The following SLC24A3 variants were observed in gnomAD, a reference collection of about 807,000 sequenced individuals.
SLC24A3 encodes the protein sodium/potassium/calcium exchanger 3.
SLC24A3 carries 28 observed loss-of-function variants against 75.8 expected under a neutral mutation model. The observed-to-expected ratio is 0.37, with a 90% CI of 0.27 to 0.51. The LOEUF (loss-of-function observed/expected upper bound fraction) is 0.51, where lower values mean the gene tolerates loss of function less well. Ranked by LOEUF, SLC24A3 falls within the 20% of genes least tolerant of loss-of-function variation. SLC24A3 has a pLI of 0.94. For synonymous variants in SLC24A3, 372 were observed against 334.1 expected (o/e 1.11, Z -1.24); for missense variants, 663 against 847.8 (o/e 0.78, Z 2.71).
chr20:19,584,947 T>C (rs1202937128), intron 4 of SLC24A3, 24 bp from the exon 5 acceptor site: 8 of 1,604,302 alleles, frequency 5.0e-6, no homozygotes, highest in Non-Finnish European at 6.0e-6. Flanking sequence ...AACTCACCTG[T>C]GCTTTGTCTT....
In SLC24A3 at chr20:19,233,173, G is replaced by A. The variant is rs576345306; in HGVS notation, c.142+20189G>A. ...AAATTTTAACTGTCAACTGAGTTTC[G>A]CAAGAGCGATGAGCAGTCCGGGGTG... is the stretch of plus-strand genomic sequence containing the variant. On this transcript the variant is annotated intron_variant, in intron 1 of 16. Coordinates refer to ENST00000328041, the MANE Select transcript of SLC24A3 (RefSeq NM_020689.4). Among the ~76,000 whole-genome samples, 8 of 152,304 alleles carry A rather than the reference G, an allele frequency of 5.3e-5. No homozygotes were observed. The Middle Eastern group carries it at 0.01, about 194-fold the overall frequency.
chr20:19,657,258 C>G (rs1276229659), intron 7 of SLC24A3, among the ~76,000 whole-genome samples: 1 of 152,174 alleles, frequency 6.6e-6, no homozygotes, highest in Non-Finnish European at 1.5e-5. Context: ...AAGGTTAGGT[C>G]TTGGTTCTTT....
chr20:19,430,353 A>G (rs1987079134), intron 2 of SLC24A3, among the ~76,000 whole-genome samples: 1 of 152,144 alleles, frequency 6.6e-6, no homozygotes, highest in African/African-American at 2.4e-5. Context: ...GGCAGGTGCA[A>G]TCTCCAGCCC....
chr20:19,451,269 C>T (rs1987475689), intron 2 of SLC24A3, among the ~76,000 whole-genome samples: 1 of 152,202 alleles, frequency 6.6e-6, no homozygotes. Context: ...CACCCAGTTG[C>T]CTCTTCAGTC....
chr20:19,573,684 T>C (rs552721337), intron 3 of SLC24A3, among the ~76,000 whole-genome samples: 27 of 152,224 alleles, frequency 1.8e-4, no homozygotes, highest in Non-Finnish European at 3.1e-4. Flanking sequence ...CTCATAGTCA[T>C]AAATGGCTGC....
At chr20:19,274,668 G>A (rs1983431040) in intron 1 of SLC24A3, among the ~76,000 whole-genome samples, 1 of 152,170 alleles carries the variant, frequency 6.6e-6, no homozygotes, top group Non-Finnish European at 1.5e-5. Context: ...GGCCTCCACT[G>A]CTCCCCTCTT....
At chr20:19,425,786 AT>A (rs1219834645) in intron 2 of SLC24A3, among the ~76,000 whole-genome samples, 1 of 150,672 alleles carries the variant, frequency 6.6e-6, no homozygotes, top group African/African-American at 2.4e-5. Flanking sequence ...TCATTTTTTT[AT>A]TCAATGCATT....
rs566978709 is a variant in SLC24A3 at position 19,528,688 on chromosome 20, TG to T, written c.348+13125del. On this transcript the variant is annotated intron_variant, in intron 3 of 16. Transcript: ENST00000328041. The stretch of plus-strand genomic sequence containing the variant: ...GCTGTGTCATTAGCACTCTGATTGC[TG>T]CTGTTTTGTGCACCAAGGTAGAAGC... 4.8e-3 allele frequency among the ~76,000 whole-genome samples: 729 copies of T among 152,318 alleles called. 9 individuals are homozygous for T. The highest frequency in any genetic ancestry group is 0.022 in the South Asian group (106 of 4,820).
At chr20:19,674,294 A>G (rs1282923609) in intron 9 of SLC24A3, among the ~76,000 whole-genome samples, 1 of 152,254 alleles carries the variant, frequency 6.6e-6, no homozygotes, top group African/African-American at 2.4e-5. Context: ...TAAAAGCACA[A>G]ACATGTATTA....
Position 19,388,241 on chromosome 20 carries a change from A to G in SLC24A3, c.271+107154A>G, listed in dbSNP as rs552839115. Among the ~76,000 whole-genome samples, 4 of 152,132 alleles carry G rather than the reference A, an allele frequency of 2.6e-5. No individual in the cohort carries two copies. In the South Asian group the frequency reaches 8.3e-4, roughly 32 times the overall value. On this transcript the variant is annotated intron_variant, in intron 2 of 16. Coordinates refer to ENST00000328041, the MANE Select transcript of SLC24A3 (RefSeq NM_020689.4). ...TGTATTGCTTTCTATTTCTCCATTT[A>G]CTTCTGTTAATATTTGCTTCATATA...
At chr20:19,709,178 C>A (rs561082077) in intron 15 of SLC24A3, among the ~76,000 whole-genome samples, 5 of 152,128 alleles carry the variant, frequency 3.3e-5, no homozygotes, top group African/African-American at 1.2e-4. Flanking sequence ...GGCAAGGGAG[C>A]TGGGGGGTTT....
intron 5 of SLC24A3, 24 bp downstream of exon 5, chr20:19,585,079 C>A: frequency 1.9e-6 from 3 of 1,591,348 alleles, no homozygotes; most frequent in Non-Finnish European, 2.6e-6. Flanking sequence ...TGAGGGACAT[C>A]TCAGACCTTC....
intron 2 of SLC24A3, among the ~76,000 whole-genome samples, chr20:19,299,833 G>C (rs1352888894): frequency 1.3e-5 from 2 of 152,196 alleles, no homozygotes; most frequent in African/African-American, 4.8e-5. Context: ...CAGGCAACTG[G>C]TTAATCCCTC....
At chr20:19,658,179 A>AC (rs1475515850) in intron 7 of SLC24A3, among the ~76,000 whole-genome samples, 1 of 152,148 alleles carries the variant, frequency 6.6e-6, no homozygotes, top group African/African-American at 2.4e-5. Context: ...GGCCCTGGAG[A>AC]CAAACCATGG....
At chr20:19,377,419 T>C (rs888348534) in intron 2 of SLC24A3, among the ~76,000 whole-genome samples, 4 of 152,054 alleles carry the variant, frequency 2.6e-5, no homozygotes, top group African/African-American at 9.7e-5. Context: ...ACAAGCACAG[T>C]TGAATGAATG....
chr20:19,637,807 A>G (rs975547350), intron 6 of SLC24A3, among the ~76,000 whole-genome samples: 6 of 152,208 alleles, frequency 3.9e-5, no homozygotes, highest in Non-Finnish European at 5.9e-5. Context: ...TCTACCTAAT[A>G]TGGAATCGAG....
chr20:19,406,222 G>A (rs978998420), intron 2 of SLC24A3, among the ~76,000 whole-genome samples: 1 of 151,528 alleles, frequency 6.6e-6, no homozygotes, highest in African/African-American at 2.4e-5. Context: ...GCGTGTGTGT[G>A]TGTGTGAGAG....
At chr20:19,590,837 C>T (rs1031946335) in intron 6 of SLC24A3, among the ~76,000 whole-genome samples, 13 of 152,216 alleles carry the variant, frequency 8.5e-5, no homozygotes, top group Admixed American at 8.5e-4. Context: ...AGAAGAGCAG[C>T]TCACCTGCTT....
Position 19,674,136 on chromosome 20 carries a change from T to C in SLC24A3, c.767+482T>C, listed in dbSNP as rs138357010. On this transcript the variant is annotated intron_variant, in intron 9 of 16. Transcript: ENST00000328041. ...TAGGGTAGGACCTTCATCAAACATA[T>C]CCTGGCATGGAGTTATCATGAGGTA... Among the ~76,000 whole-genome samples the C allele has an allele frequency of 7.0e-3, 1,064 of 152,286 alleles. 13 individuals are homozygous for C. Among genetic ancestry groups the C allele is most frequent in the African/African-American group, 0.024 (1,015 of 41,558 alleles).
Sources: gnomAD v4.1 joint callset for allele counts (sites outside exome capture counted in the v4.1 genomes callset) on GRCh38, gnomAD v4.1.1 for gene constraint, MANE v1.5 for transcripts, NCBI Gene and HGNC (gene_info 2026-07-23, HGNC 2026-07-21) for gene names.